The following KNDC1 variants were observed in gnomAD, a reference collection of about 807,000 sequenced individuals.
KNDC1 encodes kinase non-catalytic C-lobe domain containing 1.
KNDC1 carries 106 observed loss-of-function variants against 172.8 expected under a neutral mutation model. The observed-to-expected ratio is 0.61, with a 90% CI of 0.52 to 0.72. The LOEUF is 0.72. Ranked by LOEUF, KNDC1 falls within the 30% of genes least tolerant of loss-of-function variation. The pLI is 0.00. For synonymous variants in KNDC1, 1,083 were observed against 1,062.2 expected (o/e 1.02, Z -0.38); for missense variants, 2,325 against 2,394.5 (o/e 0.97, Z 0.61).
chr10:133,169,282 G>A (rs967722798), intron 3 of KNDC1, among the ~76,000 whole-genome samples: 1 of 152,072 alleles, frequency 6.6e-6, no homozygotes, highest in Non-Finnish European at 1.5e-5. Flanking sequence ...CCAACATGGC[G>A]AACCCCGTCT....
Position 133,201,657 on chromosome 10 carries a change from A to AGGCTGGCGAGGACAGACGGCC in KNDC1, c.3147_3167dup (p.Glu1052_Gly1058dup). The stretch of plus-strand genomic sequence containing the variant: ...AAAGCCGAGAGAGCGCAGCAGCCTG[A>AGGCTGGCGAGGACAGACGGCC]GGCTGGCGAGGACAGACGGCCAGCT... On this transcript the variant is annotated inframe_insertion, in exon 17 of 30. Transcript: ENST00000304613. The AGGCTGGCGAGGACAGACGGCC allele has an allele frequency of 6.2e-7, 1 of 1,612,870 alleles. No homozygotes were observed.
chr10:133,164,626 C>T (rs1244447280), intron 1 of KNDC1, among the ~76,000 whole-genome samples: 3 of 152,220 alleles, frequency 2.0e-5, no homozygotes, highest in South Asian at 2.1e-4. Context: ...CCCGGCTGGG[C>T]GTATTTTACT....
intron 3 of KNDC1, among the ~76,000 whole-genome samples, chr10:133,179,798 CT>C (rs893373357): frequency 3.8e-4 from 58 of 152,306 alleles, no homozygotes; most frequent in African/African-American, 1.4e-3. Context: ...CAACGTCCAC[CT>C]CCTCGACCCG....
intron 3 of KNDC1, among the ~76,000 whole-genome samples, chr10:133,172,183 C>T (rs1259758359): frequency 6.6e-6 from 1 of 152,088 alleles, no homozygotes; most frequent in African/African-American, 2.4e-5. Flanking sequence ...ACTGACCACT[C>T]CCCCCATCCC....
In KNDC1 at chr10:133,189,777, T is replaced by C; in HGVS notation, c.1539T>C (p.Ala513=). The change falls in exon 9 of 30, where the codon GCT becomes GCC. Residue 513 remains alanine, a synonymous_variant. Coordinates refer to ENST00000304613, the MANE Select transcript of KNDC1 (RefSeq NM_152643.8). The part of the protein sequence containing the change: ...ANGSYDSFFL[A]PELAEERLVT... ...GTTCCTATGACTCGTTCTTTCTGGC[T>C]CCCGAGCTGGCAGAGGAGAGGCTGG... 6.2e-7 allele frequency: 1 copy of C among 1,614,022 alleles called. No homozygotes were observed. Among genetic ancestry groups the C allele is most frequent in the Non-Finnish European group, 8.5e-7 (1 of 1,179,988 alleles).
chr10:133,210,581 C>G (rs1845342919), intron 20 of KNDC1, 30 bp from the exon 21 acceptor site: 1 of 1,420,692 alleles, frequency 7.0e-7, no homozygotes, highest in African/African-American at 1.4e-5. Flanking sequence ...GCCACCCCAC[C>G]ACCTCACCGC....
At chr10:133,220,866 T>G (rs1265212580) in intron 29 of KNDC1, among the ~76,000 whole-genome samples, 1 of 151,214 alleles carries the variant, frequency 6.6e-6, no homozygotes, top group Non-Finnish European at 1.5e-5. Context: ...GGGGCTCAGA[T>G]GGGCGCATGC....
intron 3 of KNDC1, among the ~76,000 whole-genome samples, chr10:133,182,704 T>G (rs1853752801): frequency 6.6e-6 from 1 of 152,244 alleles, no homozygotes; most frequent in Admixed American, 6.5e-5. Context: ...AAATCCAGTT[T>G]TTGAGGTTTT....
chr10:133,192,521 A>G (rs2135987151), intron 9 of KNDC1, among the ~76,000 whole-genome samples: 1 of 152,368 alleles, frequency 6.6e-6, no homozygotes, highest in East Asian at 1.9e-4. Flanking sequence ...AGCAACCATC[A>G]TAAAAATGCG....
rs1447782540 is a variant in KNDC1 at position 133,200,373 on chromosome 10, AGCACG to A, written c.2905_2909del (p.Thr969ArgfsTer79). On this transcript the variant is annotated splice_acceptor_variant and coding_sequence_variant, in exon 16 of 30. Coordinates refer to ENST00000304613, the MANE Select transcript of KNDC1 (RefSeq NM_152643.8). LOFTEE classifies it high-confidence loss of function. Reference sequence around the variant, plus strand: ...GGGACTGACCTGCATTCTCGTCGTCAGCACGGCCGAGGAGGCTGGGTCACAGCTCG... The same window carrying A: ...GGGACTGACCTGCATTCTCGTCGTCAGCCGAGGAGGCTGGGTCACAGCTCG... 3 of 1,585,188 alleles carry A rather than the reference AGCACG, an allele frequency of 1.9e-6. No homozygotes were observed. The South Asian group carries it at 3.4e-5, about 18-fold the overall frequency.
At chr10:133,197,009 A>T (rs747955575) in intron 10 of KNDC1, 49 bp from the exon 11 acceptor site, 2 of 1,454,694 alleles carry the variant, frequency 1.4e-6, no homozygotes, top group Non-Finnish European at 1.9e-6. Context: ...GGGACGGTGC[A>T]GCCGTGGCTG....
intron 16 of KNDC1, among the ~76,000 whole-genome samples, chr10:133,201,054 T>C (rs1854348816): frequency 6.6e-6 from 1 of 152,190 alleles, no homozygotes; most frequent in African/African-American, 2.4e-5. Flanking sequence ...GGCTGGGGCA[T>C]GAGGCCCGTG....
chr10:133,178,163 G>A (rs7092144), intron 3 of KNDC1, among the ~76,000 whole-genome samples: 62,083 of 150,412 alleles, frequency 0.41, 14,476 homozygotes, highest in South Asian at 0.66. Flanking sequence ...GCACACGAGT[G>A]TATCCTGTGT....
Position 133,186,131 on chromosome 10 carries a change from T to C in KNDC1, c.783T>C (p.Ala261=). Residue 261 remains alanine (A), a synonymous_variant, in exon 6 of 30, where the codon GCT becomes GCC. Transcript: ENST00000304613. ...SRGPRASPTK[A]LLSTPVRNGE... Reference sequence around the variant, plus strand: ...GCCCCAGAGCCTCCCCAACCAAGGCTCTGCTGTCCACCCCGGTGAGAAATG... The same window carrying C: ...GCCCCAGAGCCTCCCCAACCAAGGCCCTGCTGTCCACCCCGGTGAGAAATG... 1.3e-6 allele frequency: 2 copies of C among 1,597,068 alleles called. No individual in the cohort carries two copies. Among genetic ancestry groups the C allele is most frequent in the South Asian group, 2.3e-5 (2 of 88,836 alleles).
Position 133,199,477 on chromosome 10 carries a change from G to A in KNDC1, c.2778G>A (p.Leu926=). The A allele has an allele frequency of 6.2e-7, 1 of 1,613,860 alleles. No individual in the cohort carries two copies. Among genetic ancestry groups the A allele is most frequent in the Non-Finnish European group, 8.5e-7 (1 of 1,179,976 alleles). The part of the protein sequence containing the change: ...ALIMGEYIFA[L]KDLTFATFCG... ...AACCAGGGGAGTACATCTTCGCCTT[G>A]AAAGATCTCACCTTTGCCACTTTCT... Residue 926 remains leucine (L), a synonymous_variant, in exon 15 of 30, where the codon TTG becomes TTA. Transcript: ENST00000304613.
In KNDC1 at chr10:133,225,109, G is replaced by C; in HGVS notation, c.*219G>C. 3.5e-6 allele frequency: 2 copies of C among 569,424 alleles called. No individual in the cohort carries two copies. The highest frequency in any genetic ancestry group is 6.3e-6 in the Non-Finnish European group (2 of 317,176). The allele number at this position is 569,424 out of a possible 1,614,324, so 35.3% of individuals were successfully genotyped here. The stretch of plus-strand genomic sequence containing the variant: ...GAGCCAGGACGGGCACAAGAGTCTT[G>C]GAGGTTTGCGTGTTTCTGCTAGAAT... On this transcript the variant is annotated 3_prime_UTR_variant, in exon 30 of 30. Transcript: ENST00000304613.
At chr10:133,182,630 C>T (rs552803626) in intron 3 of KNDC1, among the ~76,000 whole-genome samples, 1 of 152,384 alleles carries the variant, frequency 6.6e-6, no homozygotes, top group East Asian at 1.9e-4. Flanking sequence ...AGCCCACCCT[C>T]TCAGGCAAGG....
chr10:133,176,557 C>T (rs1457826061), intron 3 of KNDC1, among the ~76,000 whole-genome samples: 1 of 152,160 alleles, frequency 6.6e-6, no homozygotes, highest in African/African-American at 2.4e-5. Context: ...GTTTTCAAAC[C>T]TCTGGTCCAT....
intron 6 of KNDC1, 41 bp downstream of exon 6, chr10:133,186,715 G>A (rs763086309): frequency 1.4e-6 from 2 of 1,454,780 alleles, no homozygotes; most frequent in South Asian, 1.3e-5. Context: ...GGGGTCGGCG[G>A]TCAGTGAGTC....
Sources: allele counts gnomAD v4.1 joint callset (sites outside exome capture counted in the v4.1 genomes callset), GRCh38; gene constraint gnomAD v4.1.1; transcripts MANE v1.5; gene names NCBI Gene and HGNC (gene_info 2026-07-23, HGNC 2026-07-21).